RPS6KC1: variants seen among roughly 807,000 people sequenced by gnomAD.
RPS6KC1 encodes inactive ribosomal protein S6 kinase delta-1.
In RPS6KC1, 54 loss-of-function variants were observed where a neutral mutation model predicts 103.8. The observed-to-expected ratio is 0.52, with a 90% CI of 0.42 to 0.65. The LOEUF (loss-of-function observed/expected upper bound fraction) is 0.65, where lower values mean the gene tolerates loss of function less well. Among genes scored for constraint, RPS6KC1 ranks in the 30% least tolerant of loss-of-function variants. RPS6KC1 has a pLI of 0.00. For synonymous variants in RPS6KC1, 439 were observed against 438.7 expected (o/e 1.00, Z -0.01); for missense variants, 1,151 against 1,253.8 (o/e 0.92, Z 1.24).
chr1:213,077,359 A>G (rs941615926), intron 2 of RPS6KC1, among the ~76,000 whole-genome samples: 1 of 152,206 alleles, frequency 6.6e-6, no homozygotes, highest in Non-Finnish European at 1.5e-5. Flanking sequence ...AATCTTCTCC[A>G]TACTGGGTTG....
At chr1:213,575,114 C>T in the RPS6KC1 span, among the ~76,000 whole-genome samples, 2 of 152,134 alleles carry the variant, frequency 1.3e-5, no homozygotes, top group Non-Finnish European at 2.9e-5. Context: ...TATTTAGCCT[C>T]TCAATCACAG....
the RPS6KC1 span, among the ~76,000 whole-genome samples, chr1:213,563,031 A>AT: frequency 6.6e-6 from 1 of 151,808 alleles, no homozygotes; most frequent in Non-Finnish European, 1.5e-5. Flanking sequence ...ATCTTTATTC[A>AT]TTTTTCTGTC....
the RPS6KC1 span, among the ~76,000 whole-genome samples, chr1:213,802,047 A>G: frequency 6.6e-6 from 1 of 152,312 alleles, no homozygotes; most frequent in East Asian, 1.9e-4. Context: ...CCATGTCACA[A>G]CCTGGGAATT....
the RPS6KC1 span, among the ~76,000 whole-genome samples, chr1:213,406,840 T>A: frequency 6.6e-6 from 1 of 152,296 alleles, no homozygotes; most frequent in East Asian, 1.9e-4. Flanking sequence ...TCGTGCCACA[T>A]TGTTACACTG....
chr1:213,649,057 A>G, the RPS6KC1 span, among the ~76,000 whole-genome samples: 1 of 152,056 alleles, frequency 6.6e-6, no homozygotes. Context: ...TCACCTCCGC[A>G]GAACTCCAGG....
At chr1:213,305,500 G>A in the RPS6KC1 span, among the ~76,000 whole-genome samples, 7 of 152,224 alleles carry the variant, frequency 4.6e-5, no homozygotes, top group Non-Finnish European at 8.8e-5. Context: ...TATGGGACCA[G>A]TTCTTTGAAA....
At chr1:213,473,285 A>G in the RPS6KC1 span, among the ~76,000 whole-genome samples, 1 of 152,240 alleles carries the variant, frequency 6.6e-6, no homozygotes, top group Non-Finnish European at 1.5e-5. Flanking sequence ...CTCATCAGTC[A>G]CAACACACAC....
intron 1 of RPS6KC1, among the ~76,000 whole-genome samples, chr1:213,065,179 C>G (rs754273719): frequency 7.0e-6 from 1 of 142,266 alleles, no homozygotes; most frequent in Non-Finnish European, 1.5e-5. Flanking sequence ...ATTTCACCAT[C>G]TTGGCCAGGC....
chr1:213,462,455 G>A, the RPS6KC1 span, among the ~76,000 whole-genome samples: 7 of 152,266 alleles, frequency 4.6e-5, no homozygotes, highest in East Asian at 5.8e-4. Flanking sequence ...ACATGCACAC[G>A]TATGTTTATT....
At chr1:213,082,445 TAAAA>T (rs201575690) in intron 3 of RPS6KC1, among the ~76,000 whole-genome samples, 1 of 151,292 alleles carries the variant, frequency 6.6e-6, no homozygotes, top group Non-Finnish European at 1.5e-5. Context: ...AAATAAATAA[TAAAA>T]AAAAGTAGTG....
At chr1:213,105,626 G>T (rs2082416817) in intron 4 of RPS6KC1, among the ~76,000 whole-genome samples, 2 of 152,120 alleles carry the variant, frequency 1.3e-5, no homozygotes, top group Admixed American at 1.3e-4. Flanking sequence ...TAGAAATAAT[G>T]ATAGTAATAG....
At chr1:213,591,233 C>G in the RPS6KC1 span, among the ~76,000 whole-genome samples, 1 of 152,238 alleles carries the variant, frequency 6.6e-6, no homozygotes, top group Non-Finnish European at 1.5e-5. Flanking sequence ...TCTGCCCCTA[C>G]TCTGCAACAG....
chr1:213,199,385 A>C (rs2093068378), intron 8 of RPS6KC1, among the ~76,000 whole-genome samples: 1 of 152,210 alleles, frequency 6.6e-6, no homozygotes, highest in African/African-American at 2.4e-5. Context: ...AACAGAACTA[A>C]AGGACAAAAA....
chr1:213,297,787 A>T, the RPS6KC1 span, among the ~76,000 whole-genome samples: 1 of 152,134 alleles, frequency 6.6e-6, no homozygotes, highest in South Asian at 2.1e-4. Context: ...ATTTACAAAA[A>T]ATAAAATATT....
the RPS6KC1 span, among the ~76,000 whole-genome samples, chr1:213,397,141 T>C: frequency 6.6e-6 from 1 of 152,170 alleles, no homozygotes; most frequent in African/African-American, 2.4e-5. Context: ...ATTCTTATGG[T>C]ACAGCAGGTT....
chr1:213,688,273 C>A, the RPS6KC1 span, among the ~76,000 whole-genome samples: 1 of 152,198 alleles, frequency 6.6e-6, no homozygotes, highest in Non-Finnish European at 1.5e-5. Context: ...AAGGTCACCT[C>A]TAGTTGTCTT....
chr1:213,075,811 CTTCTT>C (rs1407702629), intron 2 of RPS6KC1, among the ~76,000 whole-genome samples: 2 of 152,182 alleles, frequency 1.3e-5, no homozygotes, highest in African/African-American at 2.4e-5. Flanking sequence ...GCATCTCACT[CTTCTT>C]TTAGAAACTT....
intron 12 of RPS6KC1, among the ~76,000 whole-genome samples, chr1:213,253,939 ACT>A (rs1387441046): frequency 6.6e-6 from 1 of 152,084 alleles, no homozygotes; most frequent in African/African-American, 2.4e-5. Context: ...GACTTGGAAG[ACT>A]CTGAATATCA....
At chr1:213,678,857 C>T in the RPS6KC1 span, among the ~76,000 whole-genome samples, 1 of 152,212 alleles carries the variant, frequency 6.6e-6, no homozygotes, top group Non-Finnish European at 1.5e-5. Context: ...GGCTGTTCCT[C>T]CTTAGCAAGT....
Sources: allele counts gnomAD v4.1 joint callset (sites outside exome capture counted in the v4.1 genomes callset), GRCh38; gene constraint gnomAD v4.1.1; transcripts MANE v1.5; gene names NCBI Gene and HGNC (gene_info 2026-07-23, HGNC 2026-07-21).